FOXK1: variants seen among roughly 807,000 people sequenced by gnomAD.
The protein encoded by FOXK1 is forkhead box protein K1.
A neutral mutation model predicts 51.9 loss-of-function variants in FOXK1; 19 were observed. The observed-to-expected ratio is 0.37, with a 90% CI of 0.26 to 0.54. The LOEUF is 0.54. Among genes scored for constraint, FOXK1 ranks in the 20% least tolerant of loss-of-function variants. The pLI is 0.87. For missense variants in FOXK1, 870 were observed against 1,032.7 expected (o/e 0.84, Z 2.16); for synonymous variants, 537 against 482.6 (o/e 1.11, Z -1.48).
intron 1 of FOXK1, among the ~76,000 whole-genome samples, chr7:4,726,611 G>C (rs1780384058): frequency 1.3e-5 from 2 of 151,220 alleles, no homozygotes; most frequent in Non-Finnish European, 2.9e-5. Flanking sequence ...GACAGAGCGA[G>C]ACTCCGTCTC....
chr7:4,700,076 C>G (rs1366969108), intron 1 of FOXK1, among the ~76,000 whole-genome samples: 2 of 152,194 alleles, frequency 1.3e-5, no homozygotes, highest in African/African-American at 4.8e-5. Flanking sequence ...CCATTTCCGT[C>G]AGGAGGCCTT....
Position 4,683,820 on chromosome 7 carries a change from C to T in FOXK1, c.560+952C>T, listed in dbSNP as rs1011836459. Among the ~76,000 whole-genome samples the T allele has an allele frequency of 2.0e-5, 3 of 152,202 alleles. No homozygotes were observed. In the South Asian group the frequency reaches 6.2e-4, roughly 32 times the overall value. On this transcript the variant is annotated intron_variant, in intron 1 of 8. Transcript: ENST00000328914. This position sits in a 1 kb window ranked among gnomAD's most constrained non-coding sequence, Gnocchi z 4.5. Reference sequence around the variant, plus strand: ...CCAGGACAGTGGGAGGGTGTTGCTCCGGGAAGTGCGAGGTCCCTAGGAGTG... The same window carrying T: ...CCAGGACAGTGGGAGGGTGTTGCTCTGGGAAGTGCGAGGTCCCTAGGAGTG...
Position 4,707,415 on chromosome 7 carries a change from G to T in FOXK1, c.560+24547G>T, listed in dbSNP as rs906924996. The stretch of plus-strand genomic sequence containing the variant: ...ACATCCGGCAATGCTGCTGAAAGCA[G>T]GCCTCTCCCTGGGCGGGCTTTCCGT... On this transcript the variant is annotated intron_variant, in intron 1 of 8. Transcript: ENST00000328914. This position sits in a 1 kb window ranked among gnomAD's most constrained non-coding sequence, Gnocchi z 4.1. Among the ~76,000 whole-genome samples the T allele has an allele frequency of 6.6e-6, 1 of 152,214 alleles. No homozygotes were observed. The highest frequency in any genetic ancestry group is 1.5e-5 in the Non-Finnish European group (1 of 68,040).
intron 1 of FOXK1, among the ~76,000 whole-genome samples, chr7:4,689,390 C>T (rs146330452): frequency 2.6e-5 from 4 of 152,264 alleles, no homozygotes; most frequent in Non-Finnish European, 5.9e-5. Flanking sequence ...TGGATCACAG[C>T]CTCTGCATAT....
chr7:4,749,680 C>T lies in FOXK1; in HGVS notation c.747-4779C>T, dbSNP rs187258136. Among the ~76,000 whole-genome samples the T allele has an allele frequency of 2.0e-4, 30 of 152,298 alleles. No individual in the cohort carries two copies. Among genetic ancestry groups the T allele is most frequent in the Admixed American group, 1.5e-3 (23 of 15,294 alleles). On this transcript the variant is annotated intron_variant, in intron 2 of 8. Transcript: ENST00000328914. The surrounding 1 kb of genome is among the most constrained non-coding windows in gnomAD (Gnocchi z 6.0). ...GGCCTGCCGGAAGCGATAACTGTCCCGACCCTAGGCCTCTCAGGGTGGCCT... is the reference window on the plus strand; with the variant it reads ...GGCCTGCCGGAAGCGATAACTGTCCTGACCCTAGGCCTCTCAGGGTGGCCT...
At chr7:4,751,999 C>A (rs1780785175) in intron 2 of FOXK1, among the ~76,000 whole-genome samples, 1 of 152,212 alleles carries the variant, frequency 6.6e-6, no homozygotes, top group Non-Finnish European at 1.5e-5. Flanking sequence ...GTTGCCCAGG[C>A]TAGAGTGCAG....
chr7:4,696,598 G>C (rs28660578), intron 1 of FOXK1, among the ~76,000 whole-genome samples: 1 of 152,188 alleles, frequency 6.6e-6, no homozygotes, highest in African/African-American at 2.4e-5. Flanking sequence ...CGAGTCCCTC[G>C]AGGGCAGGGG....
intron 1 of FOXK1, among the ~76,000 whole-genome samples, chr7:4,689,558 C>T (rs1043419390): frequency 4.6e-5 from 7 of 152,276 alleles, no homozygotes; most frequent in South Asian, 4.1e-4. Flanking sequence ...AACCTTGTTA[C>T]GACGTCGCAT....
At chr7:4,721,740 G>A (rs185610105) in intron 1 of FOXK1, among the ~76,000 whole-genome samples, 1 of 151,784 alleles carries the variant, frequency 6.6e-6, no homozygotes, top group South Asian at 2.1e-4. Flanking sequence ...ACAGGCGTGA[G>A]ACACCACGCC....
chr7:4,747,799 A>C lies in FOXK1; in HGVS notation c.747-6660A>C, dbSNP rs73305327. ...CCCACCTTGACCTCCCAAAGTGCCA[A>C]GATTACAAGCCTGGGCCTGTTTTTG... On this transcript the variant is annotated intron_variant, in intron 2 of 8. Coordinates refer to ENST00000328914, the MANE Select transcript of FOXK1 (RefSeq NM_001037165.2). The surrounding 1 kb of genome is among the most constrained non-coding windows in gnomAD (Gnocchi z 9.2). Among the ~76,000 whole-genome samples the C allele has an allele frequency of 0.024, 3,684 of 151,916 alleles. 147 individuals are homozygous for C. The highest frequency in any genetic ancestry group is 0.085 in the African/African-American group (3,499 of 41,402).
At chr7:4,718,488 A>G (rs758132957) in intron 1 of FOXK1, among the ~76,000 whole-genome samples, 13 of 151,430 alleles carry the variant, frequency 8.6e-5, no homozygotes, top group Non-Finnish European at 1.5e-4. Flanking sequence ...TGTTTGTTTG[A>G]CCCCCTGTCT....
In FOXK1 at chr7:4,761,166, C is replaced by A; in HGVS notation, c.1799C>A (p.Thr600Lys). Residue 600 changes from threonine (T) to lysine (K), a missense_variant, in exon 8 of 9, where the codon ACG (threonine) becomes AAG (lysine). Physicochemically the swap from Thr to Lys is moderately conservative, Grantham distance 78. Around this residue, in one of 3 missense-constraint regions of FOXK1, gnomAD observed 457 missense variants for 510.8 expected, o/e 0.89. Transcript: ENST00000328914. The surrounding 1 kb of genome is among the most constrained non-coding windows in gnomAD (Gnocchi z 6.2). The part of the protein sequence containing the change: ...SQMAPGVPGH[T>K]VTILQPATPV... ...ATGGCCCCCGGGGTCCCCGGACACA[C>A]GGTCACCATCCTGCAGCCCGCCACA... is the stretch of plus-strand genomic sequence containing the variant. 1 of 1,612,700 alleles carries A rather than the reference C, an allele frequency of 6.2e-7. No homozygotes were observed.
Position 4,761,260 on chromosome 7 carries a change from C to G in FOXK1, c.1893C>G (p.Pro631=). The G allele has an allele frequency of 6.2e-7, 1 of 1,612,962 alleles. No homozygotes were observed. The highest frequency in any genetic ancestry group is 1.3e-5 in the African/African-American group (1 of 75,062). Residue 631 remains proline (P), a synonymous_variant, in exon 8 of 9, where the codon CCC becomes CCG. Transcript: ENST00000328914. The surrounding 1 kb of genome is among the most constrained non-coding windows in gnomAD (Gnocchi z 6.2). ...CCCAGAACGGAAAGCATGCGGTTCC[C>G]ACGAACAGTTTAGCCGGCAACGCTT... ...AVTQNGKHAV[P]TNSLAGNAYA... is the part of the protein sequence containing the mutation.
At position 4,755,665 on chromosome 7, in the gene FOXK1, A is replaced by G. The variant is rs902931006; in HGVS notation, c.1050+282A>G. ...AGGATCACTTGAGCCCAGGAGGTGGAGGCTGCAGTGAGCTATGATCACACC... is the reference window on the plus strand; with the variant it reads ...AGGATCACTTGAGCCCAGGAGGTGGGGGCTGCAGTGAGCTATGATCACACC... On this transcript the variant is annotated intron_variant, in intron 4 of 8. Coordinates refer to ENST00000328914, the MANE Select transcript of FOXK1 (RefSeq NM_001037165.2). This position sits in a 1 kb window ranked among gnomAD's most constrained non-coding sequence, Gnocchi z 6.6. 6.6e-6 allele frequency among the ~76,000 whole-genome samples: 1 copy of G among 152,174 alleles called. No individual in the cohort carries two copies. The highest frequency in any genetic ancestry group is 6.5e-5 in the Admixed American group (1 of 15,276).
rs1340261501 is a variant in FOXK1, at chr7:4,754,454, C to T, written c.747-5C>T. On this transcript the variant is annotated splice_polypyrimidine_tract_variant and splice_region_variant and intron_variant, in intron 2 of 8. Transcript: ENST00000328914. The stretch of plus-strand genomic sequence containing the variant: ...TGAACTTACAGTGTCCTTCTCTCTC[C>T]TCAGTGTCCCCAACTCCTGCCCAGC... 2 of 1,612,462 alleles carry T rather than the reference C, an allele frequency of 1.2e-6. No individual in the cohort carries two copies. Among genetic ancestry groups the T allele is most frequent in the Non-Finnish European group, 1.7e-6 (2 of 1,179,786 alleles).
At chr7:4,739,403 T>G (rs543034169) in intron 1 of FOXK1, among the ~76,000 whole-genome samples, 26 of 151,772 alleles carry the variant, frequency 1.7e-4, no homozygotes, top group African/African-American at 6.1e-4. Flanking sequence ...TTACATTGTT[T>G]TTGTTTTTGT....
rs183326099 is a variant in FOXK1, at chr7:4,749,647, C to T, written c.747-4812C>T. ...CAGGTCCCTTCTGACAGAGCACTGT[C>T]CTCCCTGGGCCTGCCGGAAGCGATA... On this transcript the variant is annotated intron_variant, in intron 2 of 8. Coordinates refer to ENST00000328914, the MANE Select transcript of FOXK1 (RefSeq NM_001037165.2). This position sits in a 1 kb window ranked among gnomAD's most constrained non-coding sequence, Gnocchi z 6.0. Among the ~76,000 whole-genome samples, 29 of 152,336 alleles carry T rather than the reference C, an allele frequency of 1.9e-4. No individual in the cohort carries two copies. The highest frequency in any genetic ancestry group is 6.0e-4 in the African/African-American group (25 of 41,574).
Position 4,730,178 on chromosome 7 carries a change from A to G in FOXK1, c.561-10660A>G, listed in dbSNP as rs1780431866. Among the ~76,000 whole-genome samples, 1 of 152,150 alleles carries G rather than the reference A, an allele frequency of 6.6e-6. No individual in the cohort carries two copies. Among genetic ancestry groups the G allele is most frequent in the Admixed American group, 6.5e-5 (1 of 15,282 alleles). ...TAGATGCATTCTCCCTATTTAAACA[A>G]ATTAGGCCCTATGAACGCATAAGAA... On this transcript the variant is annotated intron_variant, in intron 1 of 8. Transcript: ENST00000328914. The surrounding 1 kb of genome is among the most constrained non-coding windows in gnomAD (Gnocchi z 4.7).
intron 1 of FOXK1, among the ~76,000 whole-genome samples, chr7:4,702,969 G>T (rs559395543): frequency 6.6e-6 from 1 of 152,114 alleles, no homozygotes; most frequent in Non-Finnish European, 1.5e-5. Context: ...CCAGGGCTGC[G>T]TGTCCTGCTC....
Sources: allele counts gnomAD v4.1 joint callset (sites outside exome capture counted in the v4.1 genomes callset), GRCh38; gene constraint gnomAD v4.1.1; regional missense constraint gnomAD v4.1.1; non-coding constraint Gnocchi (gnomAD v3.1); transcripts MANE v1.5; gene names NCBI Gene and HGNC (gene_info 2026-07-23, HGNC 2026-07-21).